Variants in RAB3B observed in about 807,000 individuals in gnomAD.
RAB3B encodes ras-related protein Rab-3B.
In RAB3B, 11 loss-of-function variants were observed where a neutral mutation model predicts 20.5. The ratio of observed to expected loss-of-function variants is 0.54; its 90% confidence interval spans 0.34 to 0.89. The LOEUF (loss-of-function observed/expected upper bound fraction) is 0.89, where lower values mean the gene tolerates loss of function less well. RAB3B is among the 40% of genes least tolerant of loss of function. The pLI, the probability that RAB3B is intolerant of heterozygous loss-of-function variation, is 0.02. For missense variants in RAB3B, 225 were observed against 280.9 expected (o/e 0.80, Z 1.42); for synonymous variants, 99 against 106.3 (o/e 0.93, Z 0.42).
intron 3 of RAB3B, among the ~76,000 whole-genome samples, chr1:51,934,789 A>C (rs1684374844): frequency 1.3e-5 from 2 of 151,972 alleles, no homozygotes; most frequent in Admixed American, 6.6e-5. Flanking sequence ...AAAAAAAAAA[A>C]AAAAAAAAAC....
At chr1:51,983,020 G>T (rs757901815) in intron 1 of RAB3B, among the ~76,000 whole-genome samples, 1 of 152,018 alleles carries the variant, frequency 6.6e-6, no homozygotes, top group Non-Finnish European at 1.5e-5. Flanking sequence ...CTCCATTCAT[G>T]GTTAAGTGTC....
intron 2 of RAB3B, among the ~76,000 whole-genome samples, chr1:51,961,574 C>T (rs1470648184): frequency 6.6e-6 from 1 of 152,068 alleles, no homozygotes; most frequent in Non-Finnish European, 1.5e-5. Flanking sequence ...TCTCAGTTTC[C>T]TCATCTGTTC....
At chr1:51,974,956 G>A (rs771243195) in intron 2 of RAB3B, among the ~76,000 whole-genome samples, 20 of 152,196 alleles carry the variant, frequency 1.3e-4, no homozygotes, top group Non-Finnish European at 2.1e-4. Flanking sequence ...GCTCACGCCT[G>A]TAATCCCAGC....
intron 2 of RAB3B, among the ~76,000 whole-genome samples, chr1:51,976,316 C>T (rs962436233): frequency 3.2e-4 from 48 of 152,092 alleles, no homozygotes; most frequent in Non-Finnish European, 2.9e-5. Context: ...CAGGAGCCCA[C>T]CACCATGCCC....
At chr1:51,926,028 C>T (rs566667318) in intron 4 of RAB3B, among the ~76,000 whole-genome samples, 3 of 152,302 alleles carry the variant, frequency 2.0e-5, no homozygotes, top group African/African-American at 7.2e-5. Flanking sequence ...CATCTCCAGT[C>T]ACCTGCCAAT....
At chr1:51,978,474 T>G (rs1685039128) in intron 1 of RAB3B, among the ~76,000 whole-genome samples, 1 of 152,242 alleles carries the variant, frequency 6.6e-6, no homozygotes, top group Non-Finnish European at 1.5e-5. Context: ...GTTCACTCAT[T>G]CACTCAGCAA....
chr1:51,951,949 T>C (rs184887574), intron 2 of RAB3B, among the ~76,000 whole-genome samples: 3 of 152,344 alleles, frequency 2.0e-5, no homozygotes, highest in East Asian at 1.9e-4. Flanking sequence ...CCCTCTGTAA[T>C]CCTATCTAAT....
At chr1:51,953,311 A>G (rs763370720) in intron 2 of RAB3B, among the ~76,000 whole-genome samples, 2 of 152,136 alleles carry the variant, frequency 1.3e-5, no homozygotes, top group Admixed American at 6.6e-5. Context: ...TGACTCACCC[A>G]ACTCCCCTTT....
In RAB3B at chr1:51,913,122, A is replaced by G. The variant is rs1435403744; in HGVS notation, c.*6805T>C. 1 of 152,200 alleles carries G rather than the reference A, an allele frequency of 6.6e-6. No individual in the cohort carries two copies. The highest frequency in any genetic ancestry group is 1.5e-5 in the Non-Finnish European group (1 of 68,016). The allele number at this position is 152,200 out of a possible 1,614,324, so 9.4% of individuals were successfully genotyped here. A position where few individuals can be genotyped will look rare whatever the true frequency, so the allele number is the denominator to read the frequency against. Reference sequence around the variant, plus strand: ...CCAGGAACTTCCGGTAGGAATTACAACCATTATCTACGGTGAATCCTGTGA... The same window carrying G: ...CCAGGAACTTCCGGTAGGAATTACAGCCATTATCTACGGTGAATCCTGTGA... On this transcript the variant is annotated 3_prime_UTR_variant, in exon 5 of 5. Coordinates refer to ENST00000371655, the MANE Select transcript of RAB3B (RefSeq NM_002867.4).
intron 2 of RAB3B, among the ~76,000 whole-genome samples, chr1:51,956,570 A>G (rs1301634370): frequency 6.6e-6 from 1 of 152,182 alleles, no homozygotes; most frequent in Non-Finnish European, 1.5e-5. Flanking sequence ...GTTCTGACCA[A>G]CCTGGACAAC....
At chr1:51,943,295 A>G (rs983475870) in intron 2 of RAB3B, among the ~76,000 whole-genome samples, 3 of 152,074 alleles carry the variant, frequency 2.0e-5, no homozygotes, top group Non-Finnish European at 4.4e-5. Context: ...GAGGCAGGAG[A>G]ATCACTTGAA....
chr1:51,927,234 G>C (rs116317203), intron 4 of RAB3B, among the ~76,000 whole-genome samples: 29 of 152,290 alleles, frequency 1.9e-4, no homozygotes, highest in African/African-American at 6.5e-4. Flanking sequence ...TCTGAGTCAT[G>C]AATGCGGAAT....
At chr1:51,946,991 A>G (rs994415360) in intron 2 of RAB3B, among the ~76,000 whole-genome samples, 5 of 152,166 alleles carry the variant, frequency 3.3e-5, no homozygotes, top group African/African-American at 1.2e-4. Context: ...CTTAATTGTT[A>G]TATCAGCTTG....
In RAB3B at chr1:51,914,726, GGT is replaced by G. The variant is rs1251496611; in HGVS notation, c.*5199_*5200del. 2.6e-5 allele frequency: 4 copies of G among 152,162 alleles called. No homozygotes were observed. Among genetic ancestry groups the G allele is most frequent in the Non-Finnish European group, 5.9e-5 (4 of 68,024 alleles). The allele number at this position is 152,162 out of a possible 1,614,324, so 9.4% of individuals were successfully genotyped here. A position where few individuals can be genotyped will look rare whatever the true frequency, so the allele number is the denominator to read the frequency against. On this transcript the variant is annotated 3_prime_UTR_variant, in exon 5 of 5. Coordinates refer to ENST00000371655, the MANE Select transcript of RAB3B (RefSeq NM_002867.4). ...ATTCCCCAACTATGGCAGGTAATTG[GGT>G]GTAGGCTTGGGGCAGGGAATCTGAA... is the stretch of plus-strand genomic sequence containing the variant.
chr1:51,924,800 C>A (rs1684222212), intron 4 of RAB3B, among the ~76,000 whole-genome samples: 1 of 152,140 alleles, frequency 6.6e-6, no homozygotes, highest in South Asian at 2.1e-4. Flanking sequence ...AAATATTCTT[C>A]ATTAGTAGGT....
intron 1 of RAB3B, among the ~76,000 whole-genome samples, chr1:51,984,052 C>T (rs895162473): frequency 1.5e-4 from 23 of 151,736 alleles, no homozygotes; most frequent in Admixed American, 3.9e-4. Context: ...ATCACGAGGT[C>T]AGGAGTTCGA....
intron 1 of RAB3B, chr1:51,980,347 G>A (rs1330281226): frequency 6.3e-6 from 2 of 318,224 alleles, no homozygotes; most frequent in East Asian, 7.9e-5. Flanking sequence ...AGTATTATTT[G>A]AGCCCAGAAA....
In RAB3B at chr1:51,933,561, A is replaced by T. The variant is rs961948869; in HGVS notation, c.348-119T>A. On this transcript the variant is annotated intron_variant, in intron 3 of 4. Transcript: ENST00000371655. Reference sequence around the variant, plus strand: ...CCAATGTAATGGTATTTGGAGGTGGAGTCTTCGGGATGTAATTATGTCAAT... The same window carrying T: ...CCAATGTAATGGTATTTGGAGGTGGTGTCTTCGGGATGTAATTATGTCAAT... 2.9e-5 allele frequency: 27 copies of T among 919,752 alleles called. No homozygotes were observed. In the South Asian group the frequency reaches 4.7e-4, roughly 16 times the overall value. 57.0% of individuals were successfully genotyped at this position (919,752 alleles called of 1,614,324 possible). A position where few individuals can be genotyped will look rare whatever the true frequency, so the allele number is the denominator to read the frequency against.
chr1:51,938,514 T>C (rs1684441696), intron 2 of RAB3B, among the ~76,000 whole-genome samples: 1 of 40,862 alleles, frequency 2.4e-5, no homozygotes, highest in African/African-American at 4.8e-5. Flanking sequence ...AGTTCATGTA[T>C]GTAAGAATAT....
Sources: gnomAD v4.1 joint callset for allele counts (sites outside exome capture counted in the v4.1 genomes callset) on GRCh38, gnomAD v4.1.1 for gene constraint, MANE v1.5 for transcripts, NCBI Gene and HGNC (gene_info 2026-07-23, HGNC 2026-07-21) for gene names.